REC114: variants seen among roughly 807,000 people sequenced by gnomAD.
The protein encoded by REC114 is meiotic recombination protein REC114.
A neutral mutation model predicts 31.3 loss-of-function variants in REC114; 27 were observed. That is an observed-to-expected ratio of 0.86 (90% CI 0.64 to 1.19). The LOEUF (loss-of-function observed/expected upper bound fraction) is 1.19. Among genes scored for constraint, REC114 ranks in the 50% most tolerant of loss-of-function variants. The probability of loss-of-function intolerance (pLI) is 0.00; values close to 1 mark genes in which losing one functional copy is unlikely to be tolerated. For missense variants in REC114, 344 were observed against 326.9 expected (o/e 1.05, Z -0.40); for synonymous variants, 134 against 127.7 (o/e 1.05, Z -0.33).
chr15:73,497,354 C>G (rs1418844735), intron 2 of REC114, among the ~76,000 whole-genome samples: 1 of 152,088 alleles, frequency 6.6e-6, no homozygotes, highest in Non-Finnish European at 1.5e-5. Flanking sequence ...TCCCTTTTCC[C>G]TTATTTATTT....
chr15:73,536,330 G>T (rs972451439), intron 2 of REC114, among the ~76,000 whole-genome samples: 2 of 152,098 alleles, frequency 1.3e-5, no homozygotes, highest in African/African-American at 2.4e-5. Flanking sequence ...TCTTGACCTG[G>T]TGGGGGAACA....
chr15:73,455,985 A>G (rs985537710), intron 1 of REC114, among the ~76,000 whole-genome samples: 1 of 152,238 alleles, frequency 6.6e-6, no homozygotes, highest in African/African-American at 2.4e-5. Flanking sequence ...ATAGCCATAT[A>G]GTAAAATTGA....
chr15:73,550,931 C>A lies in REC114; in HGVS notation c.334-7C>A. Reference sequence around the variant, plus strand: ...TCTCTCATGATAACTTTTGATTTGTCAAACAGGACAAGAGTCGCCTGTTTC... The same window carrying A: ...TCTCTCATGATAACTTTTGATTTGTAAAACAGGACAAGAGTCGCCTGTTTC... On this transcript the variant is annotated splice_polypyrimidine_tract_variant and splice_region_variant and intron_variant, in intron 3 of 5. Transcript: ENST00000331090. 2 of 1,613,396 alleles carry A rather than the reference C, an allele frequency of 1.2e-6. No individual in the cohort carries two copies. Among genetic ancestry groups the A allele is most frequent in the South Asian group, 2.2e-5 (2 of 90,966 alleles).
rs1893366433 is a variant in REC114, at chr15:73,486,495, T to C, written c.249+12574T>C. Among the ~76,000 whole-genome samples the C allele has an allele frequency of 1.3e-5, 2 of 152,212 alleles. 1 individual carries two copies. Among genetic ancestry groups the C allele is most frequent in the South Asian group, 4.1e-4 (2 of 4,832 alleles). ...CCTTAAGCTATCTTACCTTTCCCTC[T>C]TTTACCCATTGGGCTCAATTTGTCA... On this transcript the variant is annotated intron_variant, in intron 2 of 5. Coordinates refer to ENST00000331090, the MANE Select transcript of REC114 (RefSeq NM_001042367.2).
intron 2 of REC114, among the ~76,000 whole-genome samples, chr15:73,488,051 A>C (rs1200477847): frequency 1.3e-5 from 2 of 152,100 alleles, no homozygotes; most frequent in African/African-American, 2.4e-5. Context: ...GGCCCACCTT[A>C]GTCACAGCTG....
Position 73,443,189 on chromosome 15 carries a change from G to T in REC114, c.4G>T (p.Ala2Ser). The T allele has an allele frequency of 6.4e-7, 1 of 1,565,752 alleles. No homozygotes were observed. M[A>S]EAGKVPLSLG... is the part of the protein sequence containing the mutation. Reference sequence around the variant, plus strand: ...AGTGCGTGTGGTGAGGCAGGACATGGCGGAGGCAGGAAAAGTGCCCTTGAG... The same window carrying T: ...AGTGCGTGTGGTGAGGCAGGACATGTCGGAGGCAGGAAAAGTGCCCTTGAG... Residue 2 changes from alanine to serine, a missense_variant, in exon 1 of 6, where the codon GCG (alanine) becomes TCG (serine). By Grantham distance (99) the Ala-to-Ser change is moderately conservative. Transcript: ENST00000331090.
intron 2 of REC114, among the ~76,000 whole-genome samples, chr15:73,504,941 T>A (rs1471174542): frequency 8.5e-5 from 13 of 152,184 alleles, no homozygotes; most frequent in Admixed American, 8.5e-4. Context: ...TAAACTTGCA[T>A]CCTCTTCTCT....
intron 2 of REC114, among the ~76,000 whole-genome samples, chr15:73,491,026 G>A (rs935850417): frequency 2.0e-5 from 3 of 152,074 alleles, no homozygotes; most frequent in Non-Finnish European, 4.4e-5. Context: ...GAAGAACATC[G>A]TACATGTTCT....
intron 2 of REC114, among the ~76,000 whole-genome samples, chr15:73,525,470 A>C (rs1366475420): frequency 6.6e-6 from 1 of 151,962 alleles, no homozygotes; most frequent in African/African-American, 2.4e-5. Context: ...TAAGTATTTA[A>C]AATCATAAGC....
At chr15:73,454,860 C>T (rs1372247935) in intron 1 of REC114, among the ~76,000 whole-genome samples, 1 of 152,166 alleles carries the variant, frequency 6.6e-6, no homozygotes. Flanking sequence ...AACCCAGAGG[C>T]CAGGACATTT....
intron 2 of REC114, among the ~76,000 whole-genome samples, chr15:73,484,230 G>A (rs898225333): frequency 3.3e-5 from 5 of 152,076 alleles, no homozygotes; most frequent in African/African-American, 1.2e-4. Flanking sequence ...TGAGGTGTAG[G>A]ATAAGCACTA....
chr15:73,495,411 A>T (rs980716056), intron 2 of REC114, among the ~76,000 whole-genome samples: 22 of 152,006 alleles, frequency 1.4e-4, no homozygotes, highest in African/African-American at 5.1e-4. Flanking sequence ...ATCAATATGT[A>T]GCTTACTAGT....
intron 2 of REC114, among the ~76,000 whole-genome samples, chr15:73,485,675 G>A (rs1893355682): frequency 6.6e-6 from 1 of 152,098 alleles, no homozygotes; most frequent in South Asian, 2.1e-4. Flanking sequence ...CCTTCTTTAA[G>A]CTCCCAGAGG....
Position 73,559,869 on chromosome 15 carries a change from G to T in REC114, c.754G>T (p.Glu252Ter). ...LMDQNFPAFV[E>*]EVEKELKKLA... ...GGATCAGAATTTCCCAGCATTTGTG[G>T]AAGAGGTAGAAAAGGAACTGAAAAA... The change falls in exon 6 of 6, where the codon GAA (glutamate) becomes TAA (stop). Residue 252 changes from glutamate (E) to a stop codon, truncating the protein, a stop_gained. Transcript: ENST00000331090. LOFTEE classifies it high-confidence loss of function. 6.2e-7 allele frequency: 1 copy of T among 1,612,726 alleles called. No homozygotes were observed. Among genetic ancestry groups the T allele is most frequent in the South Asian group, 1.1e-5 (1 of 90,920 alleles).
chr15:73,482,689 A>G (rs1893312249), intron 2 of REC114, among the ~76,000 whole-genome samples: 1 of 152,192 alleles, frequency 6.6e-6, no homozygotes. Context: ...TTTAAACAGA[A>G]TAATATTCTA....
rs149902050 is a variant in REC114, at chr15:73,487,193, A to G, written c.249+13272A>G. On this transcript the variant is annotated intron_variant, in intron 2 of 5. Coordinates refer to ENST00000331090, the MANE Select transcript of REC114 (RefSeq NM_001042367.2). ...TTTTGAGGAATACATTCAGACCATC[A>G]ATTCCACCCCTGTTCCCAAAATTCT... 2.6e-5 allele frequency among the ~76,000 whole-genome samples: 4 copies of G among 152,288 alleles called. 1 individual carries two copies. In the East Asian group the frequency reaches 7.7e-4, roughly 29 times the overall value.
chr15:73,516,429 C>A (rs986532452), intron 2 of REC114, among the ~76,000 whole-genome samples: 1 of 151,902 alleles, frequency 6.6e-6, no homozygotes, highest in Non-Finnish European at 1.5e-5. Flanking sequence ...ACAAGAGAAA[C>A]AAATTTCACA....
chr15:73,506,350 A>C (rs1200444838), intron 2 of REC114, among the ~76,000 whole-genome samples: 1 of 152,108 alleles, frequency 6.6e-6, no homozygotes, highest in African/African-American at 2.4e-5. Context: ...GTATTGTCTA[A>C]ACTGTACTGA....
intron 1 of REC114, among the ~76,000 whole-genome samples, chr15:73,468,296 G>T (rs1463350453): frequency 6.6e-6 from 1 of 151,794 alleles, no homozygotes; most frequent in Non-Finnish European, 1.5e-5. Context: ...TCAATGTGCT[G>T]GTCTTCTTTT....
Sources: allele counts gnomAD v4.1 joint callset (sites outside exome capture counted in the v4.1 genomes callset), GRCh38; gene constraint gnomAD v4.1.1; transcripts MANE v1.5; gene names NCBI Gene and HGNC (gene_info 2026-07-23, HGNC 2026-07-21).